Variants in L3MBTL4 observed in about 807,000 individuals in gnomAD.
The protein encoded by L3MBTL4 is lethal(3)malignant brain tumor-like protein 4.
Under a neutral mutation model 84.5 loss-of-function variants are expected in L3MBTL4, and 70 were observed. The ratio of observed to expected loss-of-function variants is 0.83; its 90% CI spans 0.68 to 1.01. The LOEUF is 1.01. Ranked by LOEUF, L3MBTL4 falls within the 50% of genes least tolerant of loss-of-function variation. The probability of loss-of-function intolerance (pLI) is 0.00; values close to 1 mark genes in which losing one functional copy is unlikely to be tolerated. For missense variants in L3MBTL4, 715 were observed against 754.8 expected, an observed-to-expected ratio of 0.95 and a Z score of 0.62; for synonymous variants, 274 against 259.8, an observed-to-expected ratio of 1.05 and a Z score of -0.52.
At chr18:6,235,995 T>C (rs917789770) in intron 10 of L3MBTL4, among the ~76,000 whole-genome samples, 9 of 152,238 alleles carry the variant, frequency 5.9e-5, no homozygotes, top group African/African-American at 1.9e-4. Context: ...AGAAACTTAA[T>C]ATTGTGAAGA....
chr18:6,306,021 C>A (rs1000750193), intron 3 of L3MBTL4, among the ~76,000 whole-genome samples: 2 of 152,178 alleles, frequency 1.3e-5, no homozygotes, highest in Non-Finnish European at 2.9e-5. Context: ...TTCTGAGAAC[C>A]CTGCTGTTCT....
intron 1 of L3MBTL4, among the ~76,000 whole-genome samples, chr18:6,327,105 A>T (rs530435622): frequency 1.8e-4 from 27 of 152,332 alleles, no homozygotes; most frequent in African/African-American, 6.5e-4. Context: ...AATGACTGGT[A>T]AAGGTAAGGC....
chr18:6,134,965 T>C (rs2059987957), intron 14 of L3MBTL4, among the ~76,000 whole-genome samples: 1 of 152,210 alleles, frequency 6.6e-6, no homozygotes, highest in African/African-American at 2.4e-5. Flanking sequence ...AGGTTCTCCA[T>C]GAGATCCCTG....
chr18:6,208,410 A>G (rs1340268582), intron 12 of L3MBTL4, among the ~76,000 whole-genome samples: 5 of 152,234 alleles, frequency 3.3e-5, no homozygotes, highest in African/African-American at 1.2e-4. Flanking sequence ...AATGCCACAA[A>G]TATGTCCAGT....
chr18:6,019,684 C>T (rs1237686348), intron 16 of L3MBTL4, among the ~76,000 whole-genome samples: 1 of 152,212 alleles, frequency 6.6e-6, no homozygotes, highest in Non-Finnish European at 1.5e-5. Context: ...AATGAAATTA[C>T]AATTCAGAGA....
In L3MBTL4 at chr18:5,956,295, G is replaced by T. The variant is rs1403315762; in HGVS notation, c.1770C>A (p.Asn590Lys). The T allele has an allele frequency of 6.2e-7, 1 of 1,614,086 alleles. No individual in the cohort carries two copies. Among genetic ancestry groups the T allele is most frequent in the Non-Finnish European group, 8.5e-7 (1 of 1,179,940 alleles). The change falls in exon 19 of 19, where the codon AAC becomes AAA. Residue 590 changes from asparagine to lysine, a missense_variant. Physicochemically the swap from Asn to Lys is moderately conservative, Grantham distance 94. Transcript: ENST00000317931. ...IKLGPALKIY[N>K]SILMFRHSQE... is the part of the protein sequence containing the mutation. Reference sequence around the variant, plus strand: ...GGGAATGCCTGAACATCAGGATAGAGTTGTAAATCTTCAGTGCTGGGCCCA... The same window carrying T: ...GGGAATGCCTGAACATCAGGATAGATTTGTAAATCTTCAGTGCTGGGCCCA...
chr18:6,103,865 T>TGG (rs1213646243), intron 14 of L3MBTL4, among the ~76,000 whole-genome samples: 1 of 152,232 alleles, frequency 6.6e-6, no homozygotes, highest in Non-Finnish European at 1.5e-5. Flanking sequence ...GTGCAGTCTG[T>TGG]GTGGCAGAAA....
At chr18:6,281,124 C>T (rs961832499) in intron 4 of L3MBTL4, among the ~76,000 whole-genome samples, 1 of 152,120 alleles carries the variant, frequency 6.6e-6, no homozygotes, top group Non-Finnish European at 1.5e-5. Flanking sequence ...TTTCCAAATG[C>T]TCAGTAACTG....
intron 1 of L3MBTL4, among the ~76,000 whole-genome samples, chr18:6,317,379 T>C (rs2051160573): frequency 1.3e-5 from 2 of 150,684 alleles, no homozygotes; most frequent in Non-Finnish European, 3.0e-5. Context: ...AAATGAAAAA[T>C]GTTATAAAGA....
At chr18:6,074,896 A>G (rs1220062057) in intron 16 of L3MBTL4, among the ~76,000 whole-genome samples, 1 of 152,166 alleles carries the variant, frequency 6.6e-6, no homozygotes, top group Non-Finnish European at 1.5e-5. Context: ...AATAAAGGAG[A>G]AAATTCACAT....
chr18:6,013,407 TA>T (rs2054823884), intron 16 of L3MBTL4, among the ~76,000 whole-genome samples: 1 of 152,218 alleles, frequency 6.6e-6, no homozygotes, highest in Admixed American at 6.5e-5. Context: ...ACGCAATGTG[TA>T]AAAAACTTTC....
intron 4 of L3MBTL4, among the ~76,000 whole-genome samples, chr18:6,288,533 A>G (rs931719946): frequency 6.6e-6 from 1 of 152,200 alleles, no homozygotes; most frequent in Non-Finnish European, 1.5e-5. Flanking sequence ...TCATGAACCT[A>G]TGAACCCAGC....
intron 4 of L3MBTL4, among the ~76,000 whole-genome samples, chr18:6,268,264 G>A (rs757160167): frequency 2.4e-4 from 37 of 152,196 alleles, no homozygotes; most frequent in South Asian, 4.1e-4. Flanking sequence ...AAAATTAGCC[G>A]GGCATAGTGA....
chr18:6,268,480 T>C (rs1179060738), intron 4 of L3MBTL4, among the ~76,000 whole-genome samples: 2 of 152,228 alleles, frequency 1.3e-5, no homozygotes, highest in Non-Finnish European at 2.9e-5. Context: ...TAAACATGAA[T>C]TCAAATGTGT....
intron 1 of L3MBTL4, among the ~76,000 whole-genome samples, chr18:6,342,045 A>C (rs1488396316): frequency 6.6e-6 from 1 of 152,176 alleles, no homozygotes; most frequent in African/African-American, 2.4e-5. Flanking sequence ...GGTGTCCTTA[A>C]GAAATAGAGA....
At chr18:6,212,604 T>A (rs1308521825) in intron 12 of L3MBTL4, among the ~76,000 whole-genome samples, 3 of 152,232 alleles carry the variant, frequency 2.0e-5, no homozygotes, top group African/African-American at 7.2e-5. Flanking sequence ...GTTTTTAATT[T>A]TTTTATTTGA....
intron 9 of L3MBTL4, 105 bp from the exon 10 acceptor site, chr18:6,238,145 T>G (rs992744721): frequency 5.1e-6 from 5 of 987,610 alleles, no homozygotes; most frequent in East Asian, 4.8e-5. Flanking sequence ...CAGAAAACAG[T>G]ACTTCATAGC....
intron 16 of L3MBTL4, among the ~76,000 whole-genome samples, chr18:6,045,777 A>G (rs2056592126): frequency 6.6e-6 from 1 of 152,214 alleles, no homozygotes; most frequent in Non-Finnish European, 1.5e-5. Context: ...TTCTACCACA[A>G]AAACACAGTT....
At chr18:6,057,138 C>T (rs1379325852) in intron 16 of L3MBTL4, among the ~76,000 whole-genome samples, 8 of 151,908 alleles carry the variant, frequency 5.3e-5, no homozygotes, top group Non-Finnish European at 1.0e-4. Context: ...TCAAGCGATT[C>T]TCCTGCCTCA....
Sources: allele counts gnomAD v4.1 joint callset (sites outside exome capture counted in the v4.1 genomes callset), GRCh38; gene constraint gnomAD v4.1.1; transcripts MANE v1.5; gene names NCBI Gene and HGNC (gene_info 2026-07-23, HGNC 2026-07-21).